Variants in TSEN15 observed in about 807,000 individuals in gnomAD.
TSEN15 encodes tRNA-splicing endonuclease subunit Sen15.
Under a neutral mutation model 20.5 loss-of-function variants are expected in TSEN15, and 10 were observed. That is an observed-to-expected ratio of 0.49 (90% CI 0.30 to 0.83). The LOEUF (loss-of-function observed/expected upper bound fraction) is 0.83, where lower values mean the gene tolerates loss of function less well. TSEN15 is among the 40% of genes least tolerant of loss of function. The pLI is 0.06. For synonymous variants in TSEN15, 72 were observed against 80.1 expected (o/e 0.90, Z 0.54); for missense variants, 180 against 218.6 (o/e 0.82, Z 1.11).
intron 3 of TSEN15, among the ~76,000 whole-genome samples, chr1:184,066,393 CT>C (rs532187106): frequency 4.7e-5 from 7 of 148,192 alleles, no homozygotes; most frequent in Non-Finnish European, 7.5e-5. Context: ...TACAATAGGT[CT>C]TTTTTTTTTC....
chr1:184,062,242 T>C (rs1436241650), intron 3 of TSEN15, among the ~76,000 whole-genome samples: 1 of 152,164 alleles, frequency 6.6e-6, no homozygotes, highest in Non-Finnish European at 1.5e-5. Context: ...TATTAAGTTG[T>C]ATATTTGCAT....
chr1:184,091,373 GA>G (rs1301657927), intron 3 of TSEN15, among the ~76,000 whole-genome samples: 5 of 152,028 alleles, frequency 3.3e-5, no homozygotes, highest in Non-Finnish European at 5.9e-5. Flanking sequence ...CCAAGGCTCA[GA>G]AATTGATATA....
At chr1:184,072,120 A>T in intron 3 of TSEN15, 37 bp from the exon 4 acceptor site, 1 of 1,603,854 alleles carries the variant, frequency 6.2e-7, no homozygotes, top group South Asian at 1.1e-5. Context: ...TAATTGAGTG[A>T]CCGCAACTCC....
downstream of TSEN15, among the ~76,000 whole-genome samples, chr1:184,078,744 G>GTAAA (rs1233692565): frequency 6.6e-6 from 1 of 152,184 alleles, no homozygotes; most frequent in Non-Finnish European, 1.5e-5. Context: ...GAATAGAAGA[G>GTAAA]TAATCTGCAA....
chr1:184,072,660 T>C (rs1201945559), intron 4 of TSEN15, 167 bp from the exon 5 acceptor site: 1 of 661,640 alleles, frequency 1.5e-6, no homozygotes, highest in Non-Finnish European at 2.6e-6. Context: ...GTTAAATTGG[T>C]TGACATTTTG....
At chr1:184,069,237 G>A (rs1165130973) in intron 3 of TSEN15, among the ~76,000 whole-genome samples, 5 of 152,076 alleles carry the variant, frequency 3.3e-5, no homozygotes, top group Admixed American at 1.3e-4. Context: ...TTTTGTTGCT[G>A]TTATTAAATA....
intron 3 of TSEN15, among the ~76,000 whole-genome samples, chr1:184,091,147 C>T (rs12058015): frequency 0.16 from 24,638 of 151,924 alleles, 2,196 homozygotes; most frequent in Non-Finnish European, 0.19. Context: ...AGTCATTGTC[C>T]TGAATCCTTC....
chr1:184,076,100 T>C (rs1651056426), downstream of TSEN15, among the ~76,000 whole-genome samples: 1 of 151,992 alleles, frequency 6.6e-6, no homozygotes, highest in Admixed American at 6.6e-5. Context: ...AGGTATTCCT[T>C]GTTGTATTGC....
At chr1:184,052,543 G>A (rs1383455596) in intron 1 of TSEN15, among the ~76,000 whole-genome samples, 7 of 152,078 alleles carry the variant, frequency 4.6e-5, no homozygotes, top group Non-Finnish European at 7.4e-5. Context: ...ACAGTGAATG[G>A]AGATGTGGGT....
intron 3 of TSEN15, among the ~76,000 whole-genome samples, chr1:184,084,427 T>C (rs1651225777): frequency 6.7e-6 from 1 of 148,960 alleles, no homozygotes; most frequent in Admixed American, 6.6e-5. Context: ...TAAGATATTA[T>C]CCATAAATCC....
intron 2 of TSEN15, 110 bp downstream of exon 2, chr1:184,054,545 T>C: frequency 1.7e-6 from 2 of 1,176,814 alleles, no homozygotes; most frequent in South Asian, 2.9e-5. Context: ...ATGCATTTGC[T>C]GTTAATTTTG....
chr1:184,052,536 G>A (rs1650093559), intron 1 of TSEN15, among the ~76,000 whole-genome samples: 1 of 152,076 alleles, frequency 6.6e-6, no homozygotes, highest in Admixed American at 6.5e-5. Flanking sequence ...TGAATAGACA[G>A]TGAATGGAGA....
chr1:184,055,952 T>A (rs989702394), intron 3 of TSEN15, among the ~76,000 whole-genome samples: 13 of 151,800 alleles, frequency 8.6e-5, no homozygotes, highest in African/African-American at 3.2e-4. Flanking sequence ...TGGGAATTTT[T>A]AAATTTTAGA....
rs1156929587 is a variant in TSEN15 at position 184,073,523 on chromosome 1, A to G, written c.*676A>G. On this transcript the variant is annotated 3_prime_UTR_variant, in exon 5 of 5. Coordinates refer to ENST00000645668, the MANE Select transcript of TSEN15 (RefSeq NM_052965.4). ...ATCCTTTTCATTCTTATCACATATC[A>G]TAGCTTGAATATTACAACAGTGTGG... is the stretch of plus-strand genomic sequence containing the variant. 6.6e-6 allele frequency: 1 copy of G among 152,600 alleles called. No individual in the cohort carries two copies. Among genetic ancestry groups the G allele is most frequent in the Non-Finnish European group, 1.5e-5 (1 of 68,028 alleles). The allele number at this position is 152,600 out of a possible 1,614,324, so 9.5% of individuals were successfully genotyped here.
At chr1:184,086,902 A>T (rs1017904175) in intron 3 of TSEN15, among the ~76,000 whole-genome samples, 2 of 152,180 alleles carry the variant, frequency 1.3e-5, no homozygotes, top group African/African-American at 4.8e-5. Context: ...AGGTGTATTC[A>T]AGTTTACCTT....
At chr1:184,090,877 C>T (rs1482438208) in intron 3 of TSEN15, among the ~76,000 whole-genome samples, 1 of 152,160 alleles carries the variant, frequency 6.6e-6, no homozygotes, top group Non-Finnish European at 1.5e-5. Context: ...GAGAATAGGA[C>T]ACTTGCTTTT....
At chr1:184,056,710 C>T (rs1327146) in intron 3 of TSEN15, among the ~76,000 whole-genome samples, 1 of 152,110 alleles carries the variant, frequency 6.6e-6, no homozygotes, top group African/African-American at 2.4e-5. Context: ...TGGATAACCA[C>T]TTTTTCTACC....
intron 3 of TSEN15, chr1:184,070,755 T>C (rs976190004): frequency 1.2e-6 from 1 of 838,318 alleles, no homozygotes; most frequent in African/African-American, 1.8e-5. Context: ...CTGATTAATA[T>C]CTATCGTTGC....
intron 3 of TSEN15, among the ~76,000 whole-genome samples, chr1:184,061,345 TTAAA>T (rs1650447356): frequency 6.6e-6 from 1 of 152,154 alleles, no homozygotes; most frequent in Non-Finnish European, 1.5e-5. Flanking sequence ...TCAAAAAACC[TTAAA>T]TAACATTTTT....
Sources: allele counts gnomAD v4.1 joint callset (sites outside exome capture counted in the v4.1 genomes callset), GRCh38; gene constraint gnomAD v4.1.1; transcripts MANE v1.5; gene names NCBI Gene and HGNC (gene_info 2026-07-23, HGNC 2026-07-21).